LRP1B: variants seen among roughly 807,000 people sequenced by gnomAD.
LRP1B encodes LDL receptor related protein 1B.
Under a neutral mutation model 556.6 loss-of-function variants are expected in LRP1B, and 217 were observed. The observed-to-expected ratio is 0.39, with a 90% CI of 0.35 to 0.44. LRP1B has a LOEUF of 0.44. Among genes scored for constraint, LRP1B ranks in the 20% least tolerant of loss-of-function variants. LRP1B has a pLI of 1.00. For synonymous variants in LRP1B, 2,047 were observed against 1,865.8 expected, an observed-to-expected ratio of 1.10 and a Z score of -2.50; for missense variants, 5,053 against 5,620.8, an observed-to-expected ratio of 0.90 and a Z score of 3.23.
At chr2:141,982,173 G>A (rs780681030) in intron 1 of LRP1B, among the ~76,000 whole-genome samples, 5 of 151,636 alleles carry the variant, frequency 3.3e-5, no homozygotes, top group Admixed American at 6.6e-5. Flanking sequence ...AACTCAATCC[G>A]TACAGTTCTC....
intron 71 of LRP1B, among the ~76,000 whole-genome samples, chr2:140,368,253 T>C (rs372381887): frequency 6.6e-6 from 1 of 151,662 alleles, no homozygotes. Context: ...ATTAGGAAAA[T>C]AGAAAAGTAT....
intron 3 of LRP1B, among the ~76,000 whole-genome samples, chr2:141,425,235 C>A (rs1170262988): frequency 6.6e-6 from 1 of 151,838 alleles, no homozygotes; most frequent in African/African-American, 2.4e-5. Context: ...CATGTCCCTA[C>A]AAAGGACATG....
Position 141,377,726 on chromosome 2 carries a change from A to G in LRP1B, c.343+102670T>C, listed in dbSNP as rs138834757. Among the ~76,000 whole-genome samples the G allele has an allele frequency of 3.8e-3, 580 of 152,018 alleles. 3 individuals are homozygous for G. The highest frequency in any genetic ancestry group is 0.013 in the African/African-American group (551 of 41,544). On this transcript the variant is annotated intron_variant, in intron 3 of 90. Coordinates refer to ENST00000389484, the MANE Select transcript of LRP1B (RefSeq NM_018557.3). ...CTTTAATTATTATATATAGAAAAAT[A>G]TATTACATTTCTTTTAAATTAATTT...
At chr2:141,977,055 T>C (rs771701532) in intron 1 of LRP1B, among the ~76,000 whole-genome samples, 9 of 152,200 alleles carry the variant, frequency 5.9e-5, no homozygotes, top group African/African-American at 1.2e-4. Flanking sequence ...AGTCTCCGAA[T>C]GACTTGGTGG....
At chr2:141,836,071 C>T (rs749293795) in intron 1 of LRP1B, among the ~76,000 whole-genome samples, 50 of 151,968 alleles carry the variant, frequency 3.3e-4, no homozygotes, top group Non-Finnish European at 5.9e-4. Flanking sequence ...AAATCCTACA[C>T]ATGTGCTGCC....
intron 67 of LRP1B, among the ~76,000 whole-genome samples, chr2:140,379,232 T>C (rs1209114044): frequency 1.3e-5 from 2 of 152,154 alleles, no homozygotes; most frequent in African/African-American, 4.8e-5. Context: ...CAAGAAGCAA[T>C]AACTAACAGA....
intron 7 of LRP1B, among the ~76,000 whole-genome samples, chr2:141,124,442 G>T (rs369934369): frequency 6.6e-6 from 1 of 151,790 alleles, no homozygotes; most frequent in Non-Finnish European, 1.5e-5. Flanking sequence ...TATTAATTTC[G>T]CTTGCAAAGC....
chr2:140,953,561 G>A (rs1296610622), intron 18 of LRP1B, among the ~76,000 whole-genome samples: 4 of 152,122 alleles, frequency 2.6e-5, no homozygotes, highest in Non-Finnish European at 5.9e-5. Context: ...TCTCTGCATT[G>A]TCTCAGGGCT....
At chr2:141,168,569 C>A (rs1250706710) in intron 7 of LRP1B, among the ~76,000 whole-genome samples, 2 of 151,970 alleles carry the variant, frequency 1.3e-5, no homozygotes, top group East Asian at 3.9e-4. Context: ...AAGAAAAGAC[C>A]ATGAAAGAAA....
At chr2:140,883,073 C>T (rs1340721730) in intron 25 of LRP1B, among the ~76,000 whole-genome samples, 1 of 152,130 alleles carries the variant, frequency 6.6e-6, no homozygotes, top group Non-Finnish European at 1.5e-5. Context: ...ATGTTATTAT[C>T]CCCAATTCAT....
chr2:140,946,607 G>GAAC (rs377380113), intron 20 of LRP1B, among the ~76,000 whole-genome samples: 15 of 151,856 alleles, frequency 9.9e-5, no homozygotes, highest in South Asian at 2.1e-4. Flanking sequence ...TCTCAAACAA[G>GAAC]AACAACAACA....
At chr2:140,517,839 T>C (rs573272231) in intron 49 of LRP1B, among the ~76,000 whole-genome samples, 1 of 151,226 alleles carries the variant, frequency 6.6e-6, no homozygotes, top group Non-Finnish European at 1.5e-5. Flanking sequence ...GACTCCTGAA[T>C]AGCTAGGACT....
At chr2:141,118,514 A>G (rs978785961) in intron 7 of LRP1B, among the ~76,000 whole-genome samples, 8 of 151,996 alleles carry the variant, frequency 5.3e-5, no homozygotes, top group South Asian at 2.1e-4. Context: ...TCTATGGACC[A>G]TATGAAATGT....
intron 41 of LRP1B, among the ~76,000 whole-genome samples, chr2:140,613,106 C>T (rs1683125144): frequency 6.6e-6 from 1 of 150,382 alleles, no homozygotes; most frequent in Admixed American, 6.7e-5. Context: ...AGACTATTGT[C>T]AGGTATTGGC....
At chr2:141,647,867 T>A (rs1471205702) in intron 2 of LRP1B, among the ~76,000 whole-genome samples, 1 of 152,042 alleles carries the variant, frequency 6.6e-6, no homozygotes, top group African/African-American at 2.4e-5. Flanking sequence ...CAGTTTATTA[T>A]TTGGAGTATG....
chr2:140,995,673 T>C (rs993447218), intron 15 of LRP1B, among the ~76,000 whole-genome samples: 3 of 152,028 alleles, frequency 2.0e-5, no homozygotes, highest in African/African-American at 7.2e-5. Context: ...TTGATGGCTA[T>C]AATCACTTTG....
intron 35 of LRP1B, among the ~76,000 whole-genome samples, chr2:140,748,737 T>G (rs1472690615): frequency 2.4e-5 from 3 of 126,676 alleles, no homozygotes; most frequent in African/African-American, 8.9e-5. Flanking sequence ...GAATATTATA[T>G]GTATATAATA....
intron 13 of LRP1B, among the ~76,000 whole-genome samples, chr2:141,015,243 T>A (rs184397033): frequency 6.6e-6 from 1 of 152,120 alleles, no homozygotes; most frequent in Non-Finnish European, 1.5e-5. Context: ...ACCAATAAGC[T>A]GGAAGTTCAG....
intron 11 of LRP1B, among the ~76,000 whole-genome samples, chr2:141,026,943 A>G (rs750596912): frequency 3.3e-5 from 5 of 152,162 alleles, no homozygotes; most frequent in Non-Finnish European, 5.9e-5. Context: ...ACCTATGATT[A>G]GTTAGTAGTC....
Sources: gnomAD v4.1 joint callset for allele counts (sites outside exome capture counted in the v4.1 genomes callset) on GRCh38, gnomAD v4.1.1 for gene constraint, MANE v1.5 for transcripts, NCBI Gene and HGNC (gene_info 2026-07-23, HGNC 2026-07-21) for gene names.